The following NRXN3 variants were observed in gnomAD, a reference collection of about 807,000 sequenced individuals.
The protein encoded by NRXN3 is neurexin 3.
A neutral mutation model predicts 137.6 loss-of-function variants in NRXN3; 32 were observed. That is an observed-to-expected ratio of 0.23 (90% CI 0.18 to 0.31). NRXN3 has a LOEUF of 0.31. Ranked by LOEUF, NRXN3 falls within the 10% of genes least tolerant of loss-of-function variation. The pLI, the probability that NRXN3 is intolerant of heterozygous loss-of-function variation, is 1.00. For missense variants in NRXN3, 1,574 were observed against 2,062.5 expected, an observed-to-expected ratio of 0.76 and a Z score of 4.59; for synonymous variants, 798 against 784.5, an observed-to-expected ratio of 1.02 and a Z score of -0.29.
chr14:78,927,993 G>A (rs1221892079), intron 10 of NRXN3, among the ~76,000 whole-genome samples: 4 of 152,152 alleles, frequency 2.6e-5, no homozygotes, highest in Non-Finnish European at 4.4e-5. Flanking sequence ...AGAATTTGTA[G>A]ATAAATACAA....
intron 3 of NRXN3, among the ~76,000 whole-genome samples, chr14:78,296,136 G>A (rs1314745986): frequency 7.2e-6 from 1 of 138,966 alleles, no homozygotes; most frequent in African/African-American, 2.7e-5. Flanking sequence ...ATAGCTCATT[G>A]TAGCCTCAAA....
At chr14:79,766,790 TAGC>T (rs1323256067) in intron 19 of NRXN3, among the ~76,000 whole-genome samples, 1 of 152,198 alleles carries the variant, frequency 6.6e-6, no homozygotes, top group Non-Finnish European at 1.5e-5. Context: ...TAGTAGGGGT[TAGC>T]AGGCAGGCAG....
At chr14:79,157,730 T>C (rs1022151445) in intron 15 of NRXN3, among the ~76,000 whole-genome samples, 2 of 151,924 alleles carry the variant, frequency 1.3e-5, no homozygotes, top group South Asian at 2.1e-4. Flanking sequence ...TTTCAAATTC[T>C]TACCTGTTAG....
At chr14:78,333,680 A>AG (rs1277488015) in intron 4 of NRXN3, among the ~76,000 whole-genome samples, 3 of 152,098 alleles carry the variant, frequency 2.0e-5, no homozygotes, top group Non-Finnish European at 2.9e-5. Context: ...TGACATAGGG[A>AG]GGGACCTACA....
chr14:78,846,047 C>T (rs1008878995), intron 10 of NRXN3, among the ~76,000 whole-genome samples: 1 of 151,920 alleles, frequency 6.6e-6, no homozygotes, highest in African/African-American at 2.4e-5. Context: ...TTTCATACAG[C>T]CATTCCACAT....
chr14:78,787,653 T>A (rs2098792965), intron 8 of NRXN3, among the ~76,000 whole-genome samples: 1 of 152,170 alleles, frequency 6.6e-6, no homozygotes, highest in Non-Finnish European at 1.5e-5. Context: ...AGAAAAAGAA[T>A]ATGGCAGAGT....
At chr14:78,800,190 A>G (rs991298569) in intron 8 of NRXN3, among the ~76,000 whole-genome samples, 3 of 152,178 alleles carry the variant, frequency 2.0e-5, no homozygotes, top group Admixed American at 6.5e-5. Flanking sequence ...CTCTATGACA[A>G]TTTGGCAGGA....
At chr14:78,265,290 A>G (rs1465444204) in intron 2 of NRXN3, among the ~76,000 whole-genome samples, 2 of 152,016 alleles carry the variant, frequency 1.3e-5, no homozygotes, top group African/African-American at 2.4e-5. Flanking sequence ...GGTTAGAAGT[A>G]GGTTAGACTT....
In NRXN3 at chr14:78,978,560, C is replaced by A. The variant is rs79315748; in HGVS notation, c.3143-9462C>A. On this transcript the variant is annotated intron_variant, in intron 14 of 20. Transcript: ENST00000335750. ...TCAACACTGTAAATTTAGAAATACT[C>A]TGAAAGCTATGGAAGTAGCTTTGCT... Among the ~76,000 whole-genome samples, 4,750 of 151,780 alleles carry A rather than the reference C, an allele frequency of 0.031. 481 individuals carry two copies. In the East Asian group the frequency reaches 0.4, roughly 13 times the overall value.
At chr14:78,498,922 G>A (rs115193674) in intron 4 of NRXN3, among the ~76,000 whole-genome samples, 1,636 of 152,056 alleles carry the variant, frequency 0.011, 27 homozygotes, top group African/African-American at 0.037. Context: ...CACTGTGGCT[G>A]GTCAGCTCAT....
intron 19 of NRXN3, among the ~76,000 whole-genome samples, chr14:79,766,445 C>A (rs1457710132): frequency 4.6e-5 from 7 of 152,188 alleles, no homozygotes. Flanking sequence ...TGTTCCTGAG[C>A]TGAATTTCCA....
intron 8 of NRXN3, among the ~76,000 whole-genome samples, chr14:78,729,017 C>CA (rs1344122946): frequency 6.6e-6 from 1 of 152,182 alleles, no homozygotes; most frequent in Non-Finnish European, 1.5e-5. Flanking sequence ...TCTGATCCAT[C>CA]AAAAAGCCAT....
intron 6 of NRXN3, among the ~76,000 whole-genome samples, chr14:78,668,954 G>GTCTGTCTA (rs2097911451): frequency 6.6e-6 from 1 of 151,966 alleles, no homozygotes; most frequent in African/African-American, 2.4e-5. Context: ...CTGTCTGTCT[G>GTCTGTCTA]TCTGTCTATC....
At chr14:78,820,650 G>C (rs947062006) in intron 10 of NRXN3, among the ~76,000 whole-genome samples, 1 of 152,108 alleles carries the variant, frequency 6.6e-6, no homozygotes, top group African/African-American at 2.4e-5. Context: ...CCCTCTGTCA[G>C]CAGCACTGTC....
Position 78,302,807 on chromosome 14 carries a change from C to T in NRXN3, c.757+4947C>T, listed in dbSNP as rs75720978. ...CTATCATTCTCCTTCCTGAACCTTC[C>T]TCCTCCTAGGCAATTGGTAGAGAGA... On this transcript the variant is annotated intron_variant, in intron 4 of 20. Coordinates refer to ENST00000335750, the MANE Select transcript of NRXN3 (RefSeq NM_001330195.2). Among the ~76,000 whole-genome samples, 217 of 152,314 alleles carry T rather than the reference C, an allele frequency of 1.4e-3. 1 individual carries two copies. The East Asian group carries it at 0.035, about 25-fold the overall frequency.
At chr14:78,574,842 A>G (rs1002778162) in intron 4 of NRXN3, among the ~76,000 whole-genome samples, 5 of 152,220 alleles carry the variant, frequency 3.3e-5, no homozygotes, top group Non-Finnish European at 7.3e-5. Context: ...GCATAAAATA[A>G]TGGCAAACCG....
chr14:78,752,621 G>C (rs986643813), intron 8 of NRXN3, among the ~76,000 whole-genome samples: 2 of 152,168 alleles, frequency 1.3e-5, no homozygotes, highest in African/African-American at 4.8e-5. Context: ...TGGAAGAAGA[G>C]ACATTAAAGT....
intron 4 of NRXN3, among the ~76,000 whole-genome samples, chr14:78,331,151 C>G (rs1200790394): frequency 6.6e-6 from 1 of 152,016 alleles, no homozygotes; most frequent in African/African-American, 2.4e-5. Flanking sequence ...GAAAGGTCAC[C>G]AAAATATATG....
chr14:79,658,923 G>C (rs2098519536), intron 16 of NRXN3, among the ~76,000 whole-genome samples: 1 of 152,124 alleles, frequency 6.6e-6, no homozygotes, highest in Non-Finnish European at 1.5e-5. Context: ...TCTTCCCCAG[G>C]GGCAGTCTGG....
Sources: gnomAD v4.1 joint callset for allele counts (sites outside exome capture counted in the v4.1 genomes callset) on GRCh38, gnomAD v4.1.1 for gene constraint, MANE v1.5 for transcripts, NCBI Gene and HGNC (gene_info 2026-07-23, HGNC 2026-07-21) for gene names.